HDAC9: variants seen among roughly 807,000 people sequenced by gnomAD.
HDAC9 encodes the protein MEF-2 interacting transcription repressor (MITR) protein.
Under a neutral mutation model 139.4 loss-of-function variants are expected in HDAC9, and 41 were observed. The observed-to-expected ratio is 0.29, with a 90% CI of 0.23 to 0.38. The LOEUF (loss-of-function observed/expected upper bound fraction) is 0.38. HDAC9 is among the 10% of genes least tolerant of loss of function. The probability of loss-of-function intolerance (pLI) is 1.00; values close to 1 mark genes in which losing one functional copy is unlikely to be tolerated. For synonymous variants in HDAC9, 517 were observed against 476.2 expected, an observed-to-expected ratio of 1.09 and a Z score of -1.12; for missense variants, 1,147 against 1,297.0, an observed-to-expected ratio of 0.88 and a Z score of 1.78.
chr7:18,901,561 A>G (rs912722608), intron 22 of HDAC9, among the ~76,000 whole-genome samples: 15 of 152,168 alleles, frequency 9.9e-5, no homozygotes, highest in African/African-American at 3.1e-4. Flanking sequence ...CCCACCCCCA[A>G]CAAATGAATC....
intron 8 of HDAC9, among the ~76,000 whole-genome samples, chr7:18,637,930 A>G (rs1470544970): frequency 6.6e-6 from 1 of 152,014 alleles, no homozygotes; most frequent in African/African-American, 2.4e-5. Context: ...AGAAAAAAAA[A>G]ATTTCTTAGC....
intron 2 of HDAC9, chr7:18,543,283 A>T (rs1422648454): frequency 6.6e-6 from 1 of 152,174 alleles, no homozygotes; most frequent in African/African-American, 2.4e-5. Flanking sequence ...GGACATGTGA[A>T]TGGTGAATTT....
At chr7:18,167,558 T>C (rs943870731) in intron 2 of HDAC9, among the ~76,000 whole-genome samples, 8 of 152,194 alleles carry the variant, frequency 5.3e-5, no homozygotes, top group African/African-American at 1.9e-4. Context: ...AGAGAGCTGC[T>C]GTTTTTCTAA....
intron 1 of HDAC9, among the ~76,000 whole-genome samples, chr7:18,316,449 G>A (rs1340189801): frequency 6.6e-6 from 1 of 152,064 alleles, no homozygotes; most frequent in South Asian, 2.1e-4. Flanking sequence ...GTTTTGTGCT[G>A]CATTGTGACA....
At chr7:18,981,288 C>A (rs1449722108) in intron 25 of HDAC9, among the ~76,000 whole-genome samples, 1 of 152,134 alleles carries the variant, frequency 6.6e-6, no homozygotes, top group Non-Finnish European at 1.5e-5. Flanking sequence ...ATATCAAGTT[C>A]ATTCACTCTT....
rs377487140 is a variant in HDAC9, at chr7:18,996,082, A to C, written c.*20A>C. 3 of 1,588,236 alleles carry C rather than the reference A, an allele frequency of 1.9e-6. No homozygotes were observed. The African/African-American group carries it at 4.0e-5, about 21-fold the overall frequency. On this transcript the variant is annotated 3_prime_UTR_variant, in exon 26 of 26. Coordinates refer to ENST00000686413, the MANE Select transcript of HDAC9 (RefSeq NM_178425.4). ...TTGTGAAGTGCCAAGTCCCCCTCTG[A>C]TATTTCCTGTGTGTGACATCATTGT...
chr7:18,093,792 T>C (rs1000448869), intron 1 of HDAC9, among the ~76,000 whole-genome samples: 1 of 152,176 alleles, frequency 6.6e-6, no homozygotes, highest in African/African-American at 2.4e-5. Flanking sequence ...TGTTCTTCTA[T>C]TACTCAGTCC....
chr7:18,378,947 C>T (rs533544849), intron 1 of HDAC9, among the ~76,000 whole-genome samples: 1 of 152,196 alleles, frequency 6.6e-6, no homozygotes, highest in South Asian at 2.1e-4. Context: ...TTTATGGGCA[C>T]ATCAGTTTTA....
chr7:18,117,044 C>A (rs955345123), intron 1 of HDAC9, among the ~76,000 whole-genome samples: 1 of 152,126 alleles, frequency 6.6e-6, no homozygotes, highest in Non-Finnish European at 1.5e-5. Flanking sequence ...TAGGATTGAC[C>A]AAACCAAACC....
chr7:18,908,271 A>G (rs546154252), intron 22 of HDAC9, among the ~76,000 whole-genome samples: 12 of 152,158 alleles, frequency 7.9e-5, no homozygotes, highest in African/African-American at 2.9e-4. Context: ...ATAATTGTAC[A>G]TGGTTATATG....
intron 1 of HDAC9, among the ~76,000 whole-genome samples, chr7:18,417,400 T>C (rs1407650888): frequency 6.6e-6 from 1 of 152,202 alleles, no homozygotes; most frequent in Non-Finnish European, 1.5e-5. Flanking sequence ...CATTTTCAAT[T>C]CGTTGGCTTT....
chr7:18,621,872 T>G (rs951656973), intron 6 of HDAC9, among the ~76,000 whole-genome samples: 6 of 152,204 alleles, frequency 3.9e-5, no homozygotes, highest in Non-Finnish European at 5.9e-5. Context: ...TTAACTAGAC[T>G]GGAGGATCTA....
At chr7:18,549,157 G>A (rs992066509) in intron 2 of HDAC9, among the ~76,000 whole-genome samples, 1 of 152,184 alleles carries the variant, frequency 6.6e-6, no homozygotes, top group African/African-American at 2.4e-5. Flanking sequence ...AGAATCGCTT[G>A]GACCTGGGAG....
chr7:18,165,810 A>AAAAG (rs959863048), intron 2 of HDAC9, among the ~76,000 whole-genome samples: 8 of 151,796 alleles, frequency 5.3e-5, no homozygotes, highest in African/African-American at 1.9e-4. Flanking sequence ...AAAAAAAAAA[A>AAAAG]AAAGAAAGAA....
Position 18,793,450 on chromosome 7 carries a change from A to G in HDAC9, c.2320A>G (p.Lys774Glu). Residue 774 changes from lysine to glutamate, a missense_variant and splice_region_variant, in exon 17 of 26, where the codon AAG becomes GAG. This residue lies in a region of HDAC9 where 407 missense variants were observed against 521.5 expected (regional missense o/e 0.78). Transcript: ENST00000686413. ...LASKVASGELKNGFAVVRPPG... is the reference protein window; with the variant it reads ...LASKVASGELENGFAVVRPPG... ...TTCCAAAGTGGCCTCAGGAGAGCTGAAGGTGAGGTCCGGGTTGCATTAAGT... is the reference window on the plus strand; with the variant it reads ...TTCCAAAGTGGCCTCAGGAGAGCTGGAGGTGAGGTCCGGGTTGCATTAAGT... 22 of 1,560,292 alleles carry G rather than the reference A, an allele frequency of 1.4e-5. No homozygotes were observed. The highest frequency in any genetic ancestry group is 1.7e-5 in the Non-Finnish European group (19 of 1,148,146).
chr7:18,744,622 T>C (rs1787769655), intron 13 of HDAC9, among the ~76,000 whole-genome samples: 1 of 152,172 alleles, frequency 6.6e-6, no homozygotes, highest in African/African-American at 2.4e-5. Context: ...AAATTGTCTA[T>C]AAAGACTCTA....
chr7:18,791,168 A>C (rs923543821), intron 16 of HDAC9, among the ~76,000 whole-genome samples: 1 of 152,198 alleles, frequency 6.6e-6, no homozygotes, highest in African/African-American at 2.4e-5. Flanking sequence ...ATTTTTTGGA[A>C]GGAAATTTGC....
chr7:18,382,237 T>C (rs1785507626), intron 1 of HDAC9, among the ~76,000 whole-genome samples: 2 of 152,174 alleles, frequency 1.3e-5, no homozygotes, highest in Non-Finnish European at 1.5e-5. Flanking sequence ...GCTTTCTTAA[T>C]AGTAACAAGT....
At chr7:18,199,137 GACAACTA>G (rs1790926046) in intron 2 of HDAC9, among the ~76,000 whole-genome samples, 1 of 152,052 alleles carries the variant, frequency 6.6e-6, no homozygotes, top group Admixed American at 6.6e-5. Context: ...CTTTATTGAG[GACAACTA>G]ACAGTTAAGA....
Sources: allele counts gnomAD v4.1 joint callset (sites outside exome capture counted in the v4.1 genomes callset), GRCh38; gene constraint gnomAD v4.1.1; regional missense constraint gnomAD v4.1.1; transcripts MANE v1.5; gene names NCBI Gene and HGNC (gene_info 2026-07-23, HGNC 2026-07-21).